SPPL2A: variants seen among roughly 807,000 people sequenced by gnomAD.
SPPL2A encodes signal peptide peptidase like 2A.
A neutral mutation model predicts 63.8 loss-of-function variants in SPPL2A; 51 were observed. The observed-to-expected ratio is 0.80, with a 90% CI of 0.64 to 1.01. The LOEUF (loss-of-function observed/expected upper bound fraction) is 1.01. SPPL2A is among the 50% of genes least tolerant of loss of function. The probability of loss-of-function intolerance (pLI) is 0.00; values close to 1 mark genes in which losing one functional copy is unlikely to be tolerated. For missense variants in SPPL2A, 553 were observed against 622.7 expected, an observed-to-expected ratio of 0.89 and a Z score of 1.19; for synonymous variants, 188 against 205.8, an observed-to-expected ratio of 0.91 and a Z score of 0.74.
intron 13 of SPPL2A, among the ~76,000 whole-genome samples, chr15:50,721,494 G>A (rs1445741853): frequency 2.0e-5 from 3 of 150,638 alleles, no homozygotes; most frequent in Non-Finnish European, 4.4e-5. Context: ...GAAGTGGTAC[G>A]ATCATGACTT....
Position 50,749,669 on chromosome 15 carries a change from A to G in SPPL2A, c.144T>C (p.Tyr48=), listed in dbSNP as rs2062890919. 6.2e-7 allele frequency: 1 copy of G among 1,611,236 alleles called. No homozygotes were observed. The highest frequency in any genetic ancestry group is 8.5e-7 in the Non-Finnish European group (1 of 1,177,386). ...CTAGGGTACTTGGAAGAGCTGTCCAATAAGGGTTATAAAGCATGCAGTAGT... is the reference window on the plus strand; with the variant it reads ...CTAGGGTACTTGGAAGAGCTGTCCAGTAAGGGTTATAAAGCATGCAGTAGT... The part of the protein sequence containing the change: ...TKDYCMLYNP[Y]WTALPSTLEN... Residue 48 remains tyrosine (Y), a synonymous_variant, in exon 2 of 15, where the codon TAT becomes TAC. Transcript: ENST00000261854.
At chr15:50,725,392 C>G in intron 11 of SPPL2A, 69 bp from the exon 12 acceptor site, 1 of 815,078 alleles carries the variant, frequency 1.2e-6, no homozygotes. Flanking sequence ...CAATGAACTT[C>G]TTGGCAATCT....
chr15:50,712,072 T>C (rs2062563211), intron 14 of SPPL2A, among the ~76,000 whole-genome samples: 1 of 152,186 alleles, frequency 6.6e-6, no homozygotes, highest in African/African-American at 2.4e-5. Flanking sequence ...GATTGAGCAT[T>C]AGAGGTGCAC....
chr15:50,709,530 G>A (rs1011516517), intron 14 of SPPL2A, among the ~76,000 whole-genome samples: 13 of 152,068 alleles, frequency 8.5e-5, no homozygotes, highest in South Asian at 4.1e-4. Context: ...GGTGGCTCAC[G>A]CCTGTAATCT....
At chr15:50,746,134 A>G (rs943344318) in intron 5 of SPPL2A, among the ~76,000 whole-genome samples, 1 of 151,414 alleles carries the variant, frequency 6.6e-6, no homozygotes, top group African/African-American at 2.4e-5. Flanking sequence ...GACTTTATAA[A>G]GCAAAATTAA....
intron 14 of SPPL2A, among the ~76,000 whole-genome samples, chr15:50,719,261 T>G (rs1596378103): frequency 6.6e-6 from 1 of 152,140 alleles, no homozygotes; most frequent in African/African-American, 2.4e-5. Flanking sequence ...ACTTTTTTTT[T>G]GAGATGGAGT....
chr15:50,748,893 T>C, intron 2 of SPPL2A, 23 bp from the exon 3 acceptor site: 1 of 1,498,776 alleles, frequency 6.7e-7, no homozygotes, highest in Non-Finnish European at 9.0e-7. Flanking sequence ...AATGTCTTTT[T>C]AACATGTTAA....
chr15:50,724,335 G>A (rs1176112253), intron 12 of SPPL2A, among the ~76,000 whole-genome samples: 2 of 152,110 alleles, frequency 1.3e-5, no homozygotes, highest in Non-Finnish European at 2.9e-5. Context: ...CCAGCACTTT[G>A]GGAGGCCGAA....
At chr15:50,724,450 C>A (rs891651324) in intron 12 of SPPL2A, among the ~76,000 whole-genome samples, 17 of 151,992 alleles carry the variant, frequency 1.1e-4, no homozygotes, top group African/African-American at 4.1e-4. Context: ...CGGTGGCAGG[C>A]GCCTGTAGTC....
chr15:50,749,871 T>C, intron 1 of SPPL2A, 125 bp from the exon 2 acceptor site: 1 of 661,176 alleles, frequency 1.5e-6, no homozygotes, highest in Non-Finnish European at 2.7e-6. Flanking sequence ...CTTCCATGAA[T>C]TTGTTTCTTC....
Position 50,748,820 on chromosome 15 carries a change from A to G in SPPL2A, c.228T>C (p.Ser76=), listed in dbSNP as rs563257771. ...TCTTTATGCCAACAGGAGGAATATC[A>G]GAAAGGTTGCATAGTGGTGTGGAAG... ...NLTSTPLCNL[S]DIPPVGIKSK... The change falls in exon 3 of 15, where the codon TCT becomes TCC. Residue 76 remains serine (S), a synonymous_variant. Coordinates refer to ENST00000261854, the MANE Select transcript of SPPL2A (RefSeq NM_032802.4). 1 of 1,611,284 alleles carries G rather than the reference A, an allele frequency of 6.2e-7. No individual in the cohort carries two copies. Among genetic ancestry groups the G allele is most frequent in the South Asian group, 1.1e-5 (1 of 90,518 alleles).
At chr15:50,718,349 A>G (rs1204455764) in intron 14 of SPPL2A, among the ~76,000 whole-genome samples, 3 of 152,140 alleles carry the variant, frequency 2.0e-5, no homozygotes, top group African/African-American at 7.2e-5. Context: ...CCAATACCAA[A>G]AATAGTATCC....
At chr15:50,728,413 G>A (rs2062702982) in intron 10 of SPPL2A, among the ~76,000 whole-genome samples, 1 of 151,592 alleles carries the variant, frequency 6.6e-6, no homozygotes, top group African/African-American at 2.4e-5. Flanking sequence ...ACACGATCTC[G>A]GATCACTGCA....
intron 10 of SPPL2A, among the ~76,000 whole-genome samples, chr15:50,727,908 C>T (rs1055462057): frequency 1.8e-4 from 27 of 152,160 alleles, no homozygotes; most frequent in African/African-American, 6.5e-4. Flanking sequence ...TTTTCCACCA[C>T]ATTAGGTTGC....
Position 50,748,201 on chromosome 15 carries a change from A to C in SPPL2A, c.362T>G (p.Phe121Cys), listed in dbSNP as rs1237711062. Residue 121 changes from phenylalanine (F) to cysteine (C), a missense_variant and splice_region_variant, in exon 4 of 15, where the codon TTT becomes TGT. Physicochemically the swap from Phe to Cys is radical, Grantham distance 205 (BLOSUM62 -2). Transcript: ENST00000261854. ...AMLVVNNSVL[F>C]PPSGNRSEFP... is the part of the protein sequence containing the mutation. ...TTCAGATCTGTTACCTGAGGGAGGA[A>C]ACTAAAAAAGAAAAAATTATGAAAA... 2.1e-6 allele frequency: 3 copies of C among 1,410,972 alleles called. No individual in the cohort carries two copies. 87.4% of individuals were successfully genotyped at this position (1,410,972 alleles called of 1,614,324 possible).
At chr15:50,708,090 G>C (rs2141015133) in intron 14 of SPPL2A, among the ~76,000 whole-genome samples, 1 of 152,296 alleles carries the variant, frequency 6.6e-6, no homozygotes, top group East Asian at 1.9e-4. Flanking sequence ...ATGACTCAAA[G>C]CCAATTTGTG....
rs1012847809 is a variant in SPPL2A at position 50,765,663 on chromosome 15, G to A, written c.-130C>T. The A allele has an allele frequency of 4.0e-6, 2 of 504,216 alleles. No homozygotes were observed. The highest frequency in any genetic ancestry group is 6.0e-5 in the South Asian group (1 of 16,782). The allele number at this position is 504,216 out of a possible 1,614,324, so 31.2% of individuals were successfully genotyped here. On this transcript the variant is annotated 5_prime_UTR_variant, in exon 1 of 15. Transcript: ENST00000261854. ...GGACAGGCGCGGGCGGCCGGGCTAC[G>A]ACTGGACCGCCGCTGCTACAGCGGC... is the stretch of plus-strand genomic sequence containing the variant.
At position 50,726,255 on chromosome 15, in the gene SPPL2A, G is replaced by T. The variant is rs369874819; in HGVS notation, c.1146+66C>A. The T allele has an allele frequency of 2.1e-3, 3,236 of 1,548,404 alleles. 7 individuals are homozygous for T. The highest frequency in any genetic ancestry group is 2.6e-3 in the Admixed American group (152 of 58,924). ...TGTGGCCAGTGAATTACACAGGAAG[G>T]CAAATTATTAACCGGATACACATAC... On this transcript the variant is annotated intron_variant, in intron 11 of 14. Transcript: ENST00000261854.
At chr15:50,750,692 G>T (rs1292188998) in intron 1 of SPPL2A, among the ~76,000 whole-genome samples, 5 of 152,166 alleles carry the variant, frequency 3.3e-5, no homozygotes, top group Non-Finnish European at 5.9e-5. Context: ...TATTGTACCT[G>T]GGGGGAGAGG....
Sources: allele counts gnomAD v4.1 joint callset (sites outside exome capture counted in the v4.1 genomes callset), GRCh38; gene constraint gnomAD v4.1.1; transcripts MANE v1.5; gene names NCBI Gene and HGNC (gene_info 2026-07-23, HGNC 2026-07-21).